Variants in CNGA4 observed in about 807,000 individuals in gnomAD.
The protein encoded by CNGA4 is cyclic nucleotide gated channel subunit alpha 4, also known as cyclic nucleotide-gated channel alpha-4.
In CNGA4, 32 loss-of-function variants were observed where a neutral mutation model predicts 45.6. That is an observed-to-expected ratio of 0.70 (90% CI 0.53 to 0.94). The LOEUF (loss-of-function observed/expected upper bound fraction) is 0.94, where lower values mean the gene tolerates loss of function less well. Ranked by LOEUF, CNGA4 falls within the 40% of genes least tolerant of loss-of-function variation. The probability of loss-of-function intolerance (pLI) is 0.00; values close to 1 mark genes in which losing one functional copy is unlikely to be tolerated. For synonymous variants in CNGA4, 293 were observed against 304.6 expected, an observed-to-expected ratio of 0.96 and a Z score of 0.40; for missense variants, 726 against 755.1, an observed-to-expected ratio of 0.96 and a Z score of 0.45.
At chr11:6,242,919 C>G (rs1564879171) in intron 5 of CNGA4, among the ~76,000 whole-genome samples, 2 of 152,168 alleles carry the variant, frequency 1.3e-5, no homozygotes, top group Non-Finnish European at 2.9e-5. Context: ...CATACAGCTC[C>G]CTGCTTAAAA....
intron 5 of CNGA4, 168 bp downstream of exon 5, chr11:6,241,948 A>G: frequency 1.6e-6 from 1 of 627,902 alleles, no homozygotes; most frequent in Non-Finnish European, 2.8e-6. Flanking sequence ...CACATAGAGG[A>G]TCCATTCCCT....
In CNGA4 at chr11:6,240,153, C is replaced by T; in HGVS notation, c.359C>T (p.Ala120Val). The change falls in exon 4 of 6, where the codon GCT becomes GTT. Residue 120 changes from alanine (A) to valine (V), a missense_variant. Coordinates refer to ENST00000379936, the MANE Select transcript of CNGA4 (RefSeq NM_001037329.4). The surrounding 1 kb of genome is among the most constrained non-coding windows in gnomAD (Gnocchi z 4.9). ...VRTWSFFLDL[A>V]SLMPTDVVYV... ...ACCTGGAGTTTCTTCTTGGACCTGG[C>T]TTCCCTGATGCCCACAGATGTGGTC... The T allele has an allele frequency of 6.2e-7, 1 of 1,614,200 alleles. No homozygotes were observed. Among genetic ancestry groups the T allele is most frequent in the Non-Finnish European group, 8.5e-7 (1 of 1,180,048 alleles).
At chr11:6,244,744 A>T (rs1294834603), downstream of CNGA4, among the ~76,000 whole-genome samples, 1 of 152,078 alleles carries the variant, frequency 6.6e-6, no homozygotes, top group Non-Finnish European at 1.5e-5. The surrounding 1 kb of genome is among the most constrained non-coding windows in gnomAD (Gnocchi z 4.5). Context: ...GATGTATCTT[A>T]CACCCACATA....
At position 6,240,238 on chromosome 11, in the gene CNGA4, C is replaced by T; in HGVS notation, c.444C>T (p.Pro148=). 1 of 1,614,256 alleles carries T rather than the reference C, an allele frequency of 6.2e-7. No individual in the cohort carries two copies. Among genetic ancestry groups the T allele is most frequent in the Non-Finnish European group, 8.5e-7 (1 of 1,180,050 alleles). The change falls in exon 4 of 6, where the codon CCC becomes CCT. Residue 148 remains proline (P), a synonymous_variant. Transcript: ENST00000379936. This position sits in a 1 kb window ranked among gnomAD's most constrained non-coding sequence, Gnocchi z 4.9. ...TLRLNRFLRA[P]RLFEAFDRTE... Reference sequence around the variant, plus strand: ...GGCTGAACCGCTTTCTCCGCGCGCCCCGCCTCTTCGAGGCCTTCGACCGCA... The same window carrying T: ...GGCTGAACCGCTTTCTCCGCGCGCCTCGCCTCTTCGAGGCCTTCGACCGCA...
In CNGA4 at chr11:6,239,875, C is replaced by T; in HGVS notation, c.271+85C>T. ...TAAGAAGTAACAAGAAAGGCACCCC[C>T]ACCGTGGTAGCACCTTCGCGTGCCT... On this transcript the variant is annotated intron_variant, in intron 3 of 5. Transcript: ENST00000379936. 8.4e-6 allele frequency: 12 copies of T among 1,425,818 alleles called. No homozygotes were observed. The South Asian group carries it at 1.4e-4, about 16-fold the overall frequency. 88.3% of individuals were successfully genotyped at this position (1,425,818 alleles called of 1,614,324 possible). A position where few individuals can be genotyped will look rare whatever the true frequency, so the allele number is the denominator to read the frequency against.
intron 5 of CNGA4, among the ~76,000 whole-genome samples, chr11:6,242,904 G>T (rs1461557638): frequency 6.6e-6 from 1 of 152,006 alleles, no homozygotes; most frequent in East Asian, 1.9e-4. Context: ...AACTGCAAAG[G>T]ATATCATACA....
At position 6,240,520 on chromosome 11, in the gene CNGA4, A is replaced by T; in HGVS notation, c.726A>T (p.Glu242Asp). 2 of 1,614,236 alleles carry T rather than the reference A, an allele frequency of 1.2e-6. No individual in the cohort carries two copies. The highest frequency in any genetic ancestry group is 2.2e-5 in the East Asian group (1 of 44,876). ...ATACACCGCCGCCAGCCAGGGAAGA[A>T]GAGTACCTCTTCATGGTGGGCGACT... ...VGDTPPPARE[E>D]EYLFMVGDFL... The change falls in exon 4 of 6, where the codon GAA becomes GAT. Residue 242 changes from glutamate to aspartate, a missense_variant. Coordinates refer to ENST00000379936, the MANE Select transcript of CNGA4 (RefSeq NM_001037329.4). The surrounding 1 kb of genome is among the most constrained non-coding windows in gnomAD (Gnocchi z 4.9).
At chr11:6,239,863 G>T (rs887430611) in intron 3 of CNGA4, 73 bp downstream of exon 3, 18 of 1,474,054 alleles carry the variant, frequency 1.2e-5, no homozygotes, top group Non-Finnish European at 1.6e-5. Flanking sequence ...GAAGTAACAA[G>T]AAAGGCACCC....
At chr11:6,239,041 C>A, upstream of CNGA4, 1 of 1,478,422 alleles carries the variant, frequency 6.8e-7, no homozygotes, top group Non-Finnish European at 8.9e-7. Context: ...CCTTCAGTAG[C>A]GCTAGCTCTG....
chr11:6,241,535 C>G lies in CNGA4; in HGVS notation c.1022C>G (p.Ser341Cys), dbSNP rs193235998. 7.8e-5 allele frequency: 126 copies of G among 1,614,200 alleles called. No homozygotes were observed. The Admixed American group carries it at 1.7e-3, about 21-fold the overall frequency. The change falls in exon 5 of 6, where the codon TCC (serine) becomes TGC (cysteine). Residue 341 changes from serine to cysteine, a missense_variant. Physicochemically the swap from Ser to Cys is moderately radical, Grantham distance 112 (BLOSUM62 -1). Transcript: ENST00000379936. ...RAEVAVSVHLSTLSRVQIFQN... is the reference protein window; with the variant it reads ...RAEVAVSVHLCTLSRVQIFQN... The stretch of plus-strand genomic sequence containing the variant: ...GAAGTGGCTGTGTCTGTGCACCTGT[C>G]CACTCTGAGCCGGGTGCAGATCTTT...
At chr11:6,242,326 GAGA>G (rs1377953944) in intron 5 of CNGA4, among the ~76,000 whole-genome samples, 3 of 152,112 alleles carry the variant, frequency 2.0e-5, no homozygotes, top group Non-Finnish European at 2.9e-5. Flanking sequence ...AAAGGTAGAA[GAGA>G]AGAAGTTCCC....
rs774965347 is a variant in CNGA4 at position 6,243,904 on chromosome 11, C to T, written c.1268-45C>T. 6.4e-6 allele frequency: 10 copies of T among 1,565,376 alleles called. No individual in the cohort carries two copies. The South Asian group carries it at 8.1e-5, about 13-fold the overall frequency. On this transcript the variant is annotated intron_variant, in intron 5 of 5. Coordinates refer to ENST00000379936, the MANE Select transcript of CNGA4 (RefSeq NM_001037329.4). ...GTTCAGGAGTGAAATGCCACCTCCT[C>T]ACCCTCCTACTAACTGTCCTCCCAT...
At position 6,241,119 on chromosome 11, in the gene CNGA4, TG is replaced by T. The variant is rs1361501988; in HGVS notation, c.918-308del. 3.3e-5 allele frequency among the ~76,000 whole-genome samples: 5 copies of T among 152,004 alleles called. No homozygotes were observed. The East Asian group carries it at 9.6e-4, about 29-fold the overall frequency. ...TGAACAAAAGGAAGTGTCACAAAGT[TG>T]GGGAAGTAGAGCAGAGGGTCCCCAG... On this transcript the variant is annotated intron_variant, in intron 4 of 5. Coordinates refer to ENST00000379936, the MANE Select transcript of CNGA4 (RefSeq NM_001037329.4).
rs1348059294 is a variant in CNGA4 at position 6,243,946 on chromosome 11, C to T, written c.1268-3C>T. On this transcript the variant is annotated splice_region_variant and splice_polypyrimidine_tract_variant and intron_variant, in intron 5 of 5. Transcript: ENST00000379936. ...TCCTCCCATCTCTGCCCATGAGCCA[C>T]AGGGAACATGTCTGGGAACCGCCGC... 4.3e-6 allele frequency: 7 copies of T among 1,610,788 alleles called. No individual in the cohort carries two copies. Among genetic ancestry groups the T allele is most frequent in the Non-Finnish European group, 3.4e-6 (4 of 1,178,044 alleles).
At position 6,243,966 on chromosome 11, in the gene CNGA4, C is replaced by T. The variant is rs200179469; in HGVS notation, c.1285C>T (p.Arg429Cys). 8.7e-5 allele frequency: 141 copies of T among 1,613,388 alleles called. 1 individual carries two copies. The East Asian group carries it at 2.2e-3, about 25-fold the overall frequency. Reference sequence around the variant, plus strand: ...AGCCACAGGGAACATGTCTGGGAACCGCCGCACAGCCAACATCAAGAGCCT... The same window carrying T: ...AGCCACAGGGAACATGTCTGGGAACTGCCGCACAGCCAACATCAAGAGCCT... ...INIKGNMSGN[R>C]RTANIKSLGY... Residue 429 changes from arginine (R) to cysteine (C), a missense_variant, in exon 6 of 6, where the codon CGC becomes TGC. Coordinates refer to ENST00000379936, the MANE Select transcript of CNGA4 (RefSeq NM_001037329.4).
rs753046252 is a variant in CNGA4, at chr11:6,243,964, A to G, written c.1283A>G (p.Asn428Ser). Residue 428 changes from asparagine to serine, a missense_variant, in exon 6 of 6, where the codon AAC becomes AGC. Asn to Ser is a conservative substitution (Grantham distance 46). Coordinates refer to ENST00000379936, the MANE Select transcript of CNGA4 (RefSeq NM_001037329.4). ...TGAGCCACAGGGAACATGTCTGGGAACCGCCGCACAGCCAACATCAAGAGC... is the reference window on the plus strand; with the variant it reads ...TGAGCCACAGGGAACATGTCTGGGAGCCGCCGCACAGCCAACATCAAGAGC... ...IINIKGNMSG[N>S]RRTANIKSLG... 20 of 1,613,260 alleles carry G rather than the reference A, an allele frequency of 1.2e-5. No homozygotes were observed. The South Asian group carries it at 2.1e-4, about 17-fold the overall frequency.
In CNGA4 at chr11:6,239,921, G is replaced by A. The variant is rs1847886722; in HGVS notation, c.271+131G>A. ...TGCCTCTATGCCTGACAGCATCCCA[G>A]TGCTCACCCCGGAAAGCCGGGAGCA... is the stretch of plus-strand genomic sequence containing the variant. On this transcript the variant is annotated intron_variant, in intron 3 of 5. Transcript: ENST00000379936. 4 of 1,350,898 alleles carry A rather than the reference G, an allele frequency of 3.0e-6. No homozygotes were observed. In the African/African-American group the frequency reaches 4.4e-5, roughly 15 times the overall value. 83.7% of individuals were successfully genotyped at this position (1,350,898 alleles called of 1,614,324 possible).
At chr11:6,239,660 A>G (rs1475998245) in intron 2 of CNGA4, 24 bp from the exon 3 acceptor site, 1 of 1,611,794 alleles carries the variant, frequency 6.2e-7, no homozygotes, top group East Asian at 2.2e-5. Context: ...CCTTAATTCA[A>G]TCATGCTTAA....
In CNGA4 at chr11:6,240,845, G is replaced by A. The variant is rs1039187226; in HGVS notation, c.917+134G>A. ...GTAGCATTCAGCCGTGGGTTTGCTGGCTGGGGCTTGGAAAAAGGGAACTTC... is the reference window on the plus strand; with the variant it reads ...GTAGCATTCAGCCGTGGGTTTGCTGACTGGGGCTTGGAAAAAGGGAACTTC... On this transcript the variant is annotated intron_variant, in intron 4 of 5. Transcript: ENST00000379936. This position sits in a 1 kb window ranked among gnomAD's most constrained non-coding sequence, Gnocchi z 4.9. 1 of 1,131,134 alleles carries A rather than the reference G, an allele frequency of 8.8e-7. No individual in the cohort carries two copies. 70.1% of individuals were successfully genotyped at this position (1,131,134 alleles called of 1,614,324 possible). A position where few individuals can be genotyped will look rare whatever the true frequency, so the allele number is the denominator to read the frequency against.
Sources: allele counts gnomAD v4.1 joint callset (sites outside exome capture counted in the v4.1 genomes callset), GRCh38; gene constraint gnomAD v4.1.1; non-coding constraint Gnocchi (gnomAD v3.1); transcripts MANE v1.5; gene names NCBI Gene and HGNC (gene_info 2026-07-23, HGNC 2026-07-21).